USP46: variants seen among roughly 807,000 people sequenced by gnomAD.
USP46 encodes the protein ubiquitin specific peptidase 46, also known as ubiquitin carboxyl-terminal hydrolase 46.
In USP46, 12 loss-of-function variants were observed where a neutral mutation model predicts 44.4. That is an observed-to-expected ratio of 0.27 (90% CI 0.17 to 0.44). The LOEUF (loss-of-function observed/expected upper bound fraction) is 0.44. USP46 is among the 20% of genes least tolerant of loss of function. The probability of loss-of-function intolerance (pLI) is 1.00; values close to 1 mark genes in which losing one functional copy is unlikely to be tolerated. For synonymous variants in USP46, 155 were observed against 161.5 expected, an observed-to-expected ratio of 0.96 and a Z score of 0.31; for missense variants, 248 against 444.8, an observed-to-expected ratio of 0.56 and a Z score of 3.98.
chr4:52,659,055 C>T lies in USP46; in HGVS notation c.36+60G>A. The T allele has an allele frequency of 6.6e-7, 1 of 1,517,758 alleles. No individual in the cohort carries two copies. Among genetic ancestry groups the T allele is most frequent in the Non-Finnish European group, 8.8e-7 (1 of 1,132,778 alleles). 94.0% of individuals were successfully genotyped at this position (1,517,758 alleles called of 1,614,324 possible). A position where few individuals can be genotyped will look rare whatever the true frequency, so the allele number is the denominator to read the frequency against. ...CCACCGGGCGTGTGTGCAGCTCGGG[C>T]TTCCCTTTCTTTGCCTCGCCGCGAG... On this transcript the variant is annotated intron_variant, in intron 1 of 8. Transcript: ENST00000441222. The surrounding 1 kb of genome is among the most constrained non-coding windows in gnomAD (Gnocchi z 4.2).
rs1315145469 is a variant in USP46, at chr4:52,633,178, T to C, written c.37-2034A>G. On this transcript the variant is annotated intron_variant, in intron 1 of 8. Coordinates refer to ENST00000441222, the MANE Select transcript of USP46 (RefSeq NM_022832.4). ...CACTTGTCCCTAAGCAAACATTAAA[T>C]GCAAAATGACCCTCCTCGGACCACA... Among the ~76,000 whole-genome samples the C allele has an allele frequency of 4.6e-5, 7 of 152,172 alleles. No homozygotes were observed. In the South Asian group the frequency reaches 8.3e-4, roughly 18 times the overall value.
chr4:52,594,925 T>C lies in USP46; in HGVS notation c.*2715A>G, dbSNP rs1039544211. 1 of 152,328 alleles carries C rather than the reference T, an allele frequency of 6.6e-6. No individual in the cohort carries two copies. The highest frequency in any genetic ancestry group is 2.4e-5 in the African/African-American group (1 of 41,582). The allele number at this position is 152,328 out of a possible 1,614,324, so 9.4% of individuals were successfully genotyped here. ...AATGCATCAACACAATAGGACCAGA[T>C]GCCAGCATTTTACCAACATTTACTT... On this transcript the variant is annotated 3_prime_UTR_variant, in exon 9 of 9. Coordinates refer to ENST00000441222, the MANE Select transcript of USP46 (RefSeq NM_022832.4).
rs2109585806 is a variant in USP46 at position 52,595,191 on chromosome 4, G to A, written c.*2449C>T. 6.5e-6 allele frequency: 1 copy of A among 152,692 alleles called. No individual in the cohort carries two copies. The highest frequency in any genetic ancestry group is 1.9e-4 in the East Asian group (1 of 5,182). The allele number at this position is 152,692 out of a possible 1,614,324, so 9.5% of individuals were successfully genotyped here. ...TTTGGGCTATCGCTGACCTCAGAAT[G>A]GTCTCACATCTCCCACACCATTTCC... is the stretch of plus-strand genomic sequence containing the variant. On this transcript the variant is annotated 3_prime_UTR_variant, in exon 9 of 9. Transcript: ENST00000441222.
In USP46 at chr4:52,659,026, C is replaced by G. The variant is rs1719068986; in HGVS notation, c.36+89G>C. 1 of 1,449,286 alleles carries G rather than the reference C, an allele frequency of 6.9e-7. No homozygotes were observed. Among genetic ancestry groups the G allele is most frequent in the Non-Finnish European group, 9.2e-7 (1 of 1,091,988 alleles). 89.8% of individuals were successfully genotyped at this position (1,449,286 alleles called of 1,614,324 possible). ...CGCGGACCCCGCCGCCCCCGCCGCC[C>G]CAGCCACCGGGCGTGTGTGCAGCTC... On this transcript the variant is annotated intron_variant, in intron 1 of 8. Transcript: ENST00000441222. The surrounding 1 kb of genome is among the most constrained non-coding windows in gnomAD (Gnocchi z 4.2).
chr4:52,626,290 A>C, intron 3 of USP46, 43 bp from the exon 4 acceptor site: 1 of 1,525,880 alleles, frequency 6.6e-7, no homozygotes, highest in Non-Finnish European at 8.9e-7. Flanking sequence ...GGTTCTTGAA[A>C]AGCAAATGGA....
intron 3 of USP46, among the ~76,000 whole-genome samples, chr4:52,626,866 A>G (rs1717610853): frequency 6.6e-6 from 1 of 152,230 alleles, no homozygotes; most frequent in Admixed American, 6.5e-5. Context: ...CTGATAAAAT[A>G]TCAATTTTTA....
chr4:52,605,665 G>A (rs555631586), intron 5 of USP46, among the ~76,000 whole-genome samples: 4 of 152,140 alleles, frequency 2.6e-5, no homozygotes, highest in Admixed American at 6.5e-5. Flanking sequence ...GCCTTCATAC[G>A]GCTCACACTT....
chr4:52,638,378 C>T (rs1280256797), intron 1 of USP46, among the ~76,000 whole-genome samples: 1 of 152,090 alleles, frequency 6.6e-6, no homozygotes, highest in Non-Finnish European at 1.5e-5. Flanking sequence ...CCCCTAGAGC[C>T]TCTGGAAGGT....
chr4:52,633,000 A>AAGAAAGAAAGAAAGAAAGAAAGAAAGAG (rs1717968364), intron 1 of USP46, among the ~76,000 whole-genome samples: 1 of 124,680 alleles, frequency 8.0e-6, no homozygotes, highest in Admixed American at 7.8e-5. Flanking sequence ...AAAAGAAAGA[A>AAGAAAGAAAGAAAGAAAGAAAGAAAGAG]AGAAAGAAAG....
chr4:52,632,766 G>A (rs1010924515), intron 1 of USP46, among the ~76,000 whole-genome samples: 24 of 150,894 alleles, frequency 1.6e-4, no homozygotes, highest in African/African-American at 5.6e-4. Context: ...AGCTGTGATG[G>A]CACCACTGCA....
chr4:52,658,947 C>G (rs1430429484), intron 1 of USP46, among the ~76,000 whole-genome samples, 168 bp downstream of exon 1: 1 of 151,606 alleles, frequency 6.6e-6, no homozygotes, highest in Non-Finnish European at 1.5e-5. Flanking sequence ...CCTCCCCGGC[C>G]GCTGAGGTGG....
At chr4:52,656,498 A>G (rs1718956791) in intron 1 of USP46, 1 of 1,444,232 alleles carries the variant, frequency 6.9e-7, no homozygotes, top group East Asian at 2.5e-5. Context: ...GCCTTCCTAT[A>G]CATGGGAGGT....
chr4:52,600,622 T>A (rs980005815), intron 7 of USP46, among the ~76,000 whole-genome samples: 1 of 151,772 alleles, frequency 6.6e-6, no homozygotes, highest in Non-Finnish European at 1.5e-5. Context: ...AGGATTTGAA[T>A]TGGGCACCCA....
At chr4:52,639,792 G>C (rs939082534) in intron 1 of USP46, among the ~76,000 whole-genome samples, 1 of 151,564 alleles carries the variant, frequency 6.6e-6, no homozygotes, top group Non-Finnish European at 1.5e-5. Flanking sequence ...AACCTTTCAG[G>C]CTCAAGTGAT....
At chr4:52,619,646 CT>C (rs1320539243) in intron 4 of USP46, among the ~76,000 whole-genome samples, 1 of 152,204 alleles carries the variant, frequency 6.6e-6, no homozygotes, top group East Asian at 1.9e-4. Context: ...CAGAAAAAGC[CT>C]GCAGGCTCTG....
At chr4:52,652,575 T>C (rs1718805817) in intron 1 of USP46, among the ~76,000 whole-genome samples, 1 of 152,214 alleles carries the variant, frequency 6.6e-6, no homozygotes, top group Non-Finnish European at 1.5e-5. Context: ...ACTAGGATTA[T>C]GTGTCTCTCA....
intron 5 of USP46, 32 bp downstream of exon 5, chr4:52,610,509 C>G (rs748491253): frequency 1.2e-6 from 2 of 1,601,502 alleles, no homozygotes; most frequent in Non-Finnish European, 1.7e-6. Flanking sequence ...CAAGCCTGAT[C>G]AAAAGCTCAA....
rs909468412 is a variant in USP46 at position 52,596,561 on chromosome 4, C to T, written c.*1079G>A. The T allele has an allele frequency of 6.6e-6, 1 of 152,210 alleles. No individual in the cohort carries two copies. Among genetic ancestry groups the T allele is most frequent in the Non-Finnish European group, 1.5e-5 (1 of 68,060 alleles). The allele number at this position is 152,210 out of a possible 1,614,324, so 9.4% of individuals were successfully genotyped here. Reference sequence around the variant, plus strand: ...ACACTTCCTTTGAGCCACCTCTATACCCAGCTAACTCTGGTATTCCCTCTA... The same window carrying T: ...ACACTTCCTTTGAGCCACCTCTATATCCAGCTAACTCTGGTATTCCCTCTA... On this transcript the variant is annotated 3_prime_UTR_variant, in exon 9 of 9. Coordinates refer to ENST00000441222, the MANE Select transcript of USP46 (RefSeq NM_022832.4).
At chr4:52,632,996 A>G in intron 1 of USP46, among the ~76,000 whole-genome samples, 3 of 122,784 alleles carry the variant, frequency 2.4e-5, no homozygotes, top group African/African-American at 1.1e-4. Flanking sequence ...AAAGAAAAGA[A>G]AGAAAGAAAG....
Sources: allele counts gnomAD v4.1 joint callset (sites outside exome capture counted in the v4.1 genomes callset), GRCh38; gene constraint gnomAD v4.1.1; non-coding constraint Gnocchi (gnomAD v3.1); transcripts MANE v1.5; gene names NCBI Gene and HGNC (gene_info 2026-07-23, HGNC 2026-07-21).